Variants in HIVEP3 observed in about 807,000 individuals in gnomAD.
HIVEP3 encodes HIVEP zinc finger 3.
Under a neutral mutation model 152.8 loss-of-function variants are expected in HIVEP3, and 49 were observed. The observed-to-expected ratio is 0.32, with a 90% confidence interval of 0.26 to 0.41. HIVEP3 has a LOEUF of 0.41. Ranked by LOEUF, HIVEP3 falls within the 10% of genes least tolerant of loss-of-function variation. The probability of loss-of-function intolerance (pLI) is 1.00; values close to 1 mark genes in which losing one functional copy is unlikely to be tolerated. For missense variants in HIVEP3, 2,790 were observed against 3,103.3 expected, an observed-to-expected ratio of 0.90 and a Z score of 2.40; for synonymous variants, 1,269 against 1,289.0, an observed-to-expected ratio of 0.98 and a Z score of 0.33.
Position 41,583,094 on chromosome 1 carries a change from G to T in HIVEP3, c.1704C>A (p.Thr568=). 6.2e-7 allele frequency: 1 copy of T among 1,613,726 alleles called. No homozygotes were observed. Among genetic ancestry groups the T allele is most frequent in the South Asian group, 1.1e-5 (1 of 91,046 alleles). The change falls in exon 4 of 9, where the codon ACC becomes ACA. Residue 568 remains threonine (T), a synonymous_variant. Coordinates refer to ENST00000372583, the MANE Select transcript of HIVEP3 (RefSeq NM_024503.5). The surrounding 1 kb of genome is among the most constrained non-coding windows in gnomAD (Gnocchi z 6.9). The part of the protein sequence containing the change: ...RGSYSFDDHI[T]DSEALSHSSH... ...TGCTGTGGCTCAGGGCTTCGGAGTCGGTGATATGGTCATCGAAGGAGTAGC... is the reference window on the plus strand; with the variant it reads ...TGCTGTGGCTCAGGGCTTCGGAGTCTGTGATATGGTCATCGAAGGAGTAGC...
chr1:41,862,248 A>G (rs1643896919), intron 1 of HIVEP3, among the ~76,000 whole-genome samples: 1 of 152,172 alleles, frequency 6.6e-6, no homozygotes, highest in African/African-American at 2.4e-5. Context: ...CAAACAAATA[A>G]GCAACAAGTG....
intron 1 of HIVEP3, among the ~76,000 whole-genome samples, chr1:42,015,345 C>G (rs77726777): frequency 6.6e-5 from 10 of 152,320 alleles, no homozygotes; most frequent in African/African-American, 2.4e-4. Flanking sequence ...GTCTACATTC[C>G]AGGGCCTTAC....
Position 41,538,826 on chromosome 1 carries a change from G to A in HIVEP3, c.5208-13916C>T, listed in dbSNP as rs182435477. On this transcript the variant is annotated intron_variant, in intron 5 of 8. Transcript: ENST00000372583. ...AATGAAATGAAACTGTCAGAGGAGTGGATGCCTTCACTGCGAACATTAGGT... is the reference window on the plus strand; with the variant it reads ...AATGAAATGAAACTGTCAGAGGAGTAGATGCCTTCACTGCGAACATTAGGT... Among the ~76,000 whole-genome samples the A allele has an allele frequency of 3.0e-3, 458 of 152,138 alleles. 3 individuals are homozygous for A. Among genetic ancestry groups the A allele is most frequent in the Non-Finnish European group, 5.0e-3 (340 of 67,998 alleles).
At chr1:42,029,032 T>A (rs2124539802) in intron 1 of HIVEP3, among the ~76,000 whole-genome samples, 1 of 152,314 alleles carries the variant, frequency 6.6e-6, no homozygotes, top group South Asian at 2.1e-4. Flanking sequence ...CTAATCTAAT[T>A]TTTTACAAGA....
chr1:41,571,858 T>C (rs1644255609), intron 5 of HIVEP3, among the ~76,000 whole-genome samples: 1 of 152,172 alleles, frequency 6.6e-6, no homozygotes, highest in African/African-American at 2.4e-5. Context: ...CAGACGGCTC[T>C]GGAGAAAAGC....
At position 41,511,370 on chromosome 1, in the gene HIVEP3, G is replaced by A. The variant is rs111432218; in HGVS notation, c.6406-104C>T. On this transcript the variant is annotated intron_variant, in intron 8 of 8. Transcript: ENST00000372583. This position sits in a 1 kb window ranked among gnomAD's most constrained non-coding sequence, Gnocchi z 4.9. ...GGGGACTCGCCCAAGATCACAGAGC[G>A]AGTCCAGGGTCCCGGCTGAGCTGAG... 15 of 1,062,256 alleles carry A rather than the reference G, an allele frequency of 1.4e-5. No homozygotes were observed. The highest frequency in any genetic ancestry group is 1.3e-4 in the African/African-American group (8 of 62,922). 65.8% of individuals were successfully genotyped at this position (1,062,256 alleles called of 1,614,324 possible). A position where few individuals can be genotyped will look rare whatever the true frequency, so the allele number is the denominator to read the frequency against.
chr1:41,835,715 C>T (rs1643102434), intron 1 of HIVEP3, among the ~76,000 whole-genome samples: 1 of 152,182 alleles, frequency 6.6e-6, no homozygotes, highest in Non-Finnish European at 1.5e-5. Flanking sequence ...CAGTAGCTCT[C>T]CGCCCTGGGA....
chr1:41,772,163 A>T (rs553784841), intron 1 of HIVEP3, among the ~76,000 whole-genome samples: 50 of 151,964 alleles, frequency 3.3e-4, no homozygotes, highest in Non-Finnish European at 1.8e-4. Context: ...TTGTGCATTC[A>T]CTCTTTGCAC....
intron 1 of HIVEP3, among the ~76,000 whole-genome samples, chr1:41,927,474 T>C (rs11210549): frequency 0.051 from 7,819 of 152,298 alleles, 643 homozygotes; most frequent in African/African-American, 0.17. Flanking sequence ...CCAAATCACA[T>C]GTAATTTATT....
At chr1:41,967,819 G>C (rs1181004088) in intron 1 of HIVEP3, among the ~76,000 whole-genome samples, 1 of 152,058 alleles carries the variant, frequency 6.6e-6, no homozygotes, top group Non-Finnish European at 1.5e-5. Flanking sequence ...GAAGAAAAGA[G>C]AAGAATCAAA....
At chr1:41,866,288 G>C (rs1327123274) in intron 1 of HIVEP3, among the ~76,000 whole-genome samples, 1 of 152,198 alleles carries the variant, frequency 6.6e-6, no homozygotes, top group Non-Finnish European at 1.5e-5. Flanking sequence ...CCAGCTTCAG[G>C]GACAGGGGAT....
Position 41,579,906 on chromosome 1 carries a change from C to A in HIVEP3, c.4892G>T (p.Cys1631Phe), listed in dbSNP as rs1644375129. Reference protein sequence around the residue: ...DRRSSVYAGWCISLYNPNLPG... With the variant: ...DRRSSVYAGWFISLYNPNLPG... ...AAGGTTGGGGTTGTACAAACTTATG[C>A]ACCAACCAGCGTAAACAGAGGACCT... The change falls in exon 4 of 9, where the codon TGC (cysteine) becomes TTC (phenylalanine). Residue 1631 changes from cysteine to phenylalanine, a missense_variant. This residue lies in a region of HIVEP3 where 1,078 missense variants were observed against 1,165.3 expected (regional missense o/e 0.93). Coordinates refer to ENST00000372583, the MANE Select transcript of HIVEP3 (RefSeq NM_024503.5). 1 of 1,614,202 alleles carries A rather than the reference C, an allele frequency of 6.2e-7. No homozygotes were observed. The highest frequency in any genetic ancestry group is 1.3e-5 in the African/African-American group (1 of 75,060).
At chr1:41,731,136 C>T (rs149690106) in intron 1 of HIVEP3, among the ~76,000 whole-genome samples, 11 of 152,248 alleles carry the variant, frequency 7.2e-5, no homozygotes, top group Middle Eastern at 3.4e-3. Context: ...AGGTGTACTG[C>T]GTACAGCTGT....
chr1:41,590,858 C>T (rs1249617906), intron 3 of HIVEP3, among the ~76,000 whole-genome samples: 2 of 152,206 alleles, frequency 1.3e-5, no homozygotes, highest in Non-Finnish European at 2.9e-5. Context: ...AGCACAGCGA[C>T]TCCCAAGGTA....
intron 1 of HIVEP3, among the ~76,000 whole-genome samples, chr1:42,009,943 A>G (rs1307431399): frequency 2.0e-5 from 3 of 152,180 alleles, no homozygotes; most frequent in Non-Finnish European, 4.4e-5. Context: ...AAACAAACAA[A>G]CAAACAAAAC....
intron 1 of HIVEP3, among the ~76,000 whole-genome samples, chr1:42,017,538 T>G (rs768200082): frequency 4.6e-5 from 7 of 152,042 alleles, no homozygotes; most frequent in Non-Finnish European, 8.8e-5. Flanking sequence ...CCTGTTTGAG[T>G]GTTTGGCTTC....
At chr1:41,601,815 T>C (rs1224949312) in intron 3 of HIVEP3, among the ~76,000 whole-genome samples, 1 of 152,186 alleles carries the variant, frequency 6.6e-6, no homozygotes, top group Non-Finnish European at 1.5e-5. Flanking sequence ...CCTTAGCTTC[T>C]TCCTGATTTT....
chr1:41,604,868 CCGAGGTGAG>C, intron 3 of HIVEP3, among the ~76,000 whole-genome samples: 1 of 151,992 alleles, frequency 6.6e-6, no homozygotes, highest in Non-Finnish European at 1.5e-5. Flanking sequence ...TTTTGGGAGG[CCGAGGTGAG>C]TGAACTGCTT....
At chr1:41,982,117 T>A (rs1008568835) in intron 1 of HIVEP3, among the ~76,000 whole-genome samples, 1 of 152,246 alleles carries the variant, frequency 6.6e-6, no homozygotes, top group Non-Finnish European at 1.5e-5. Flanking sequence ...CGTGGTACTT[T>A]ATAAGATTTC....
Sources: gnomAD v4.1 joint callset for allele counts (sites outside exome capture counted in the v4.1 genomes callset) on GRCh38, gnomAD v4.1.1 for gene constraint, gnomAD v4.1.1 regional missense constraint, Gnocchi (gnomAD v3.1) non-coding constraint, MANE v1.5 for transcripts, NCBI Gene and HGNC (gene_info 2026-07-23, HGNC 2026-07-21) for gene names.